The following ETNK2 variants were observed in gnomAD, a reference collection of about 807,000 sequenced individuals.
ETNK2 encodes the protein ethanolamine kinase-like protein.
ETNK2 carries 33 observed loss-of-function variants against 46.2 expected under a neutral mutation model. The observed-to-expected ratio is 0.71, with a 90% CI of 0.54 to 0.96. The LOEUF (loss-of-function observed/expected upper bound fraction) is 0.96, where lower values mean the gene tolerates loss of function less well. ETNK2 is among the 40% of genes least tolerant of loss of function. ETNK2 has a pLI of 0.00. For missense variants in ETNK2, 445 were observed against 509.7 expected, an observed-to-expected ratio of 0.87 and a Z score of 1.22; for synonymous variants, 194 against 209.0, an observed-to-expected ratio of 0.93 and a Z score of 0.62.
intron 2 of ETNK2, chr1:204,147,101 G>C (rs1171901020): frequency 9.2e-6 from 4 of 435,942 alleles, no homozygotes; most frequent in South Asian, 3.8e-5. Flanking sequence ...CCTGAGAACA[G>C]AGGGGCACCT....
In ETNK2 at chr1:204,132,066, G is replaced by A. The variant is rs1333157573; in HGVS notation, c.*118C>T. ...CGGCAGGGACAGAGCCTTCTCCCTGGACACCCATGTGTCCCCTCTCCCACC... is the reference window on the plus strand; with the variant it reads ...CGGCAGGGACAGAGCCTTCTCCCTGAACACCCATGTGTCCCCTCTCCCACC... On this transcript the variant is annotated 3_prime_UTR_variant, in exon 8 of 8. Transcript: ENST00000367202. The A allele has an allele frequency of 1.2e-6, 1 of 805,818 alleles. No homozygotes were observed. The highest frequency in any genetic ancestry group is 2.1e-6 in the Non-Finnish European group (1 of 472,024). 49.9% of individuals were successfully genotyped at this position (805,818 alleles called of 1,614,324 possible).
At position 204,151,447 on chromosome 1, in the gene ETNK2, C is replaced by A. The variant is rs1011552966; in HGVS notation, c.258+148G>T. The A allele has an allele frequency of 7.8e-6, 9 of 1,160,906 alleles. No homozygotes were observed. The African/African-American group carries it at 1.3e-4, about 17-fold the overall frequency. The allele number at this position is 1,160,906 out of a possible 1,614,324, so 71.9% of individuals were successfully genotyped here. A position where few individuals can be genotyped will look rare whatever the true frequency, so the allele number is the denominator to read the frequency against. On this transcript the variant is annotated intron_variant, in intron 1 of 7. Coordinates refer to ENST00000367202, the MANE Select transcript of ETNK2 (RefSeq NM_018208.4). This position sits in a 1 kb window ranked among gnomAD's most constrained non-coding sequence, Gnocchi z 8.0. Reference sequence around the variant, plus strand: ...TAGTTTTGGTAGCGACGAAATCAATCCGTACACAAACCACGTTCCAAACCT... The same window carrying A: ...TAGTTTTGGTAGCGACGAAATCAATACGTACACAAACCACGTTCCAAACCT...
At chr1:204,146,798 T>C (rs1359176572) in intron 2 of ETNK2, 34 bp from the exon 3 acceptor site, 1 of 1,613,344 alleles carries the variant, frequency 6.2e-7, no homozygotes, top group Admixed American at 1.7e-5. Context: ...AGAGCATCAG[T>C]GCTGGGACAT....
intron 5 of ETNK2, among the ~76,000 whole-genome samples, chr1:204,138,381 A>T (rs187198034): frequency 1.3e-5 from 2 of 152,296 alleles, no homozygotes; most frequent in African/African-American, 4.8e-5. Flanking sequence ...GAGAAATTCC[A>T]GTTGGATTTT....
In ETNK2 at chr1:204,137,090, A is replaced by G; in HGVS notation, c.1014+14T>C. ...CCTCCTTTCCTGCCCCAGCCCTAGA[A>G]ATAAGGCACTCACCAGGGCAAACTT... On this transcript the variant is annotated intron_variant, in intron 6 of 7. Coordinates refer to ENST00000367202, the MANE Select transcript of ETNK2 (RefSeq NM_018208.4). The G allele has an allele frequency of 6.2e-7, 1 of 1,613,116 alleles. No homozygotes were observed. The highest frequency in any genetic ancestry group is 8.5e-7 in the Non-Finnish European group (1 of 1,179,380).
intron 3 of ETNK2, chr1:204,142,338 A>G (rs1657585682): frequency 6.6e-6 from 1 of 152,312 alleles, no homozygotes; most frequent in African/African-American, 2.4e-5. Context: ...TGCATGGGTC[A>G]ACCTCTCCTG....
chr1:204,146,992 GC>G lies in ETNK2; in HGVS notation c.519-229del, dbSNP rs763456031. 3 of 659,942 alleles carry G rather than the reference GC, an allele frequency of 4.5e-6. No individual in the cohort carries two copies. In the East Asian group the frequency reaches 9.5e-5, roughly 21 times the overall value. 40.9% of individuals were successfully genotyped at this position (659,942 alleles called of 1,614,324 possible). On this transcript the variant is annotated intron_variant, in intron 2 of 7. Transcript: ENST00000367202. ...TTAGCCTGGCTGCTCCCTTTCCAGT[GC>G]CAGGCTGGGGCTGCCTCAGGGAGCA...
At chr1:204,140,236 C>T in intron 4 of ETNK2, 118 bp from the exon 5 acceptor site, 1 of 751,522 alleles carries the variant, frequency 1.3e-6, no homozygotes, top group East Asian at 2.5e-5. Context: ...TCTGCAGCAA[C>T]CCTGCCCAAT....
chr1:204,144,311 A>G (rs568315309), intron 3 of ETNK2, among the ~76,000 whole-genome samples: 1 of 136,642 alleles, frequency 7.3e-6, no homozygotes, highest in African/African-American at 2.8e-5. Context: ...ATGCCACTGG[A>G]CTCCAGCCTG....
At position 204,134,500 on chromosome 1, in the gene ETNK2, C is replaced by CA. The variant is rs747591495; in HGVS notation, c.1088+14dup. On this transcript the variant is annotated intron_variant, in intron 7 of 7. Transcript: ENST00000367202. ...CTCCCTTTTCTCCACGTCCCACCAT[C>CA]ACCCCCACACTCACCTGAGGAAATC... The CA allele has an allele frequency of 6.2e-7, 1 of 1,612,600 alleles. No individual in the cohort carries two copies. The highest frequency in any genetic ancestry group is 1.3e-5 in the African/African-American group (1 of 74,946).
At chr1:204,142,437 G>C (rs1206883942) in intron 3 of ETNK2, among the ~76,000 whole-genome samples, 1 of 152,152 alleles carries the variant, frequency 6.6e-6, no homozygotes, top group Non-Finnish European at 1.5e-5. Context: ...AATCAATCAA[G>C]TTATCAGAGG....
chr1:204,133,980 A>G (rs373260845), intron 7 of ETNK2, among the ~76,000 whole-genome samples: 3 of 152,232 alleles, frequency 2.0e-5, no homozygotes, highest in Admixed American at 6.5e-5. Flanking sequence ...CCTTAGGTAC[A>G]TAGGAGCCTC....
intron 5 of ETNK2, 32 bp from the exon 6 acceptor site, chr1:204,137,281 C>A: frequency 6.2e-7 from 1 of 1,608,128 alleles, no homozygotes; most frequent in Non-Finnish European, 8.5e-7. Flanking sequence ...CAAAGTTGCT[C>A]AGAGATGGGC....
Position 204,137,138 on chromosome 1 carries a change from T to C in ETNK2, c.980A>G (p.Gln327Arg). The change falls in exon 6 of 8, where the codon CAA becomes CGA. Residue 327 changes from glutamine to arginine, a missense_variant. Physicochemically the swap from Gln to Arg is conservative, Grantham distance 43. Coordinates refer to ENST00000367202, the MANE Select transcript of ETNK2 (RefSeq NM_018208.4). ...KGMAVTPREV[Q>R]RLYVQVNKFA... ...CTTGTTGACTTGCACGTAGAGCCTTTGCACCTCCCTGGGGGTCACGGCCAT... is the reference window on the plus strand; with the variant it reads ...CTTGTTGACTTGCACGTAGAGCCTTCGCACCTCCCTGGGGGTCACGGCCAT... 1 of 1,613,938 alleles carries C rather than the reference T, an allele frequency of 6.2e-7. No individual in the cohort carries two copies. The highest frequency in any genetic ancestry group is 8.5e-7 in the Non-Finnish European group (1 of 1,179,824).
At chr1:204,132,295 A>C in intron 7 of ETNK2, 39 bp from the exon 8 acceptor site, 1 of 1,520,230 alleles carries the variant, frequency 6.6e-7, no homozygotes, top group Non-Finnish European at 9.0e-7. Context: ...GTGAGGAAGA[A>C]AGCCAGGTGG....
At chr1:204,137,584 G>A (rs1055559945) in intron 5 of ETNK2, among the ~76,000 whole-genome samples, 7 of 152,146 alleles carry the variant, frequency 4.6e-5, no homozygotes, top group African/African-American at 1.4e-4. Context: ...AAAAATGATG[G>A]TGCACAGGAG....
intron 3 of ETNK2, chr1:204,142,997 G>T (rs1308998694): frequency 6.6e-6 from 1 of 152,046 alleles, no homozygotes; most frequent in Non-Finnish European, 1.5e-5. Flanking sequence ...CCCGTCCAAG[G>T]ATCCAAATCG....
intron 3 of ETNK2, chr1:204,141,867 A>C (rs1657558176): frequency 5.7e-6 from 1 of 174,980 alleles, no homozygotes; most frequent in South Asian, 1.4e-4. Context: ...AGAGATGCAA[A>C]ACAGACCTGA....
rs372992385 is a variant in ETNK2, at chr1:204,149,867, C to T, written c.354G>A (p.Thr118=). Residue 118 remains threonine, a synonymous_variant, in exon 2 of 8, where the codon ACG becomes ACA. Transcript: ENST00000367202. ...CVLVRVYGER[T]ELLVDRENEV... ...CATTCTCCCGGTCCACCAGCAGCTC[C>T]GTCCGCTCCCCATACACCCGGACCA... The T allele has an allele frequency of 8.8e-6, 14 of 1,595,410 alleles. No individual in the cohort carries two copies. Among genetic ancestry groups the T allele is most frequent in the African/African-American group, 8.1e-5 (6 of 74,476 alleles).
Sources: gnomAD v4.1 joint callset for allele counts (sites outside exome capture counted in the v4.1 genomes callset) on GRCh38, gnomAD v4.1.1 for gene constraint, Gnocchi (gnomAD v3.1) non-coding constraint, MANE v1.5 for transcripts, NCBI Gene and HGNC (gene_info 2026-07-23, HGNC 2026-07-21) for gene names.